METTL21C: variants seen among roughly 807,000 people sequenced by gnomAD.
The protein encoded by METTL21C is methyltransferase 21C, AARS1 lysine, also known as protein-lysine methyltransferase METTL21C.
A neutral mutation model predicts 25.9 loss-of-function variants in METTL21C; 21 were observed. That is an observed-to-expected ratio of 0.81 (90% confidence interval 0.58 to 1.17). The LOEUF (loss-of-function observed/expected upper bound fraction) is 1.17, where lower values mean the gene tolerates loss of function less well. Ranked by LOEUF, METTL21C falls within the 50% of genes most tolerant of loss-of-function variation. The probability of loss-of-function intolerance (pLI) is 0.00; values close to 1 mark genes in which losing one functional copy is unlikely to be tolerated. For synonymous variants in METTL21C, 125 were observed against 124.7 expected, an observed-to-expected ratio of 1.00 and a Z score of -0.01; for missense variants, 312 against 315.1, an observed-to-expected ratio of 0.99 and a Z score of 0.07.
intron 1 of METTL21C, 137 bp from the exon 2 acceptor site, chr13:102,691,101 C>A: frequency 1.0e-6 from 1 of 977,038 alleles, no homozygotes; most frequent in Admixed American, 2.6e-5. Flanking sequence ...TCAAGGAGAA[C>A]GGCTGCAAAT....
At chr13:102,695,540 GT>G (rs1885933667), upstream of METTL21C, among the ~76,000 whole-genome samples, 1 of 152,162 alleles carries the variant, frequency 6.6e-6, no homozygotes, top group Admixed American at 6.5e-5. Context: ...GATGAATGGT[GT>G]TTTAACCTGA....
rs1885918015 is a variant in METTL21C at position 102,694,888 on chromosome 13, T to TCA, written c.-391_-390insTG. 7.2e-6 allele frequency among the ~76,000 whole-genome samples: 1 copy of TCA among 138,038 alleles called. No homozygotes were observed. Among genetic ancestry groups the TCA allele is most frequent in the African/African-American group, 2.8e-5 (1 of 35,640 alleles). The allele number at this position is 138,038 out of a possible 152,430, so 90.6% of individuals were successfully genotyped here. Reference sequence around the variant, plus strand: ...TTCTCTCTCTTTCTCTCTCTCTCTCTCTCTCTCTCTCTCACACACACACAC... The same window carrying TCA: ...TTCTCTCTCTTTCTCTCTCTCTCTCTCACTCTCTCTCTCTCACACACACACAC... On this transcript the variant is annotated 5_prime_UTR_variant, in exon 1 of 4. Transcript: ENST00000267273.
At chr13:102,686,765 A>T (rs570960535) in intron 3 of METTL21C, among the ~76,000 whole-genome samples, 175 bp downstream of exon 3, 1 of 152,294 alleles carries the variant, frequency 6.6e-6, no homozygotes, top group Non-Finnish European at 1.5e-5. Context: ...AACCTCTCTG[A>T]GACTCAATGA....
chr13:102,700,773 G>T, the METTL21C span, among the ~76,000 whole-genome samples: 1 of 152,172 alleles, frequency 6.6e-6, no homozygotes, highest in African/African-American at 2.4e-5. Flanking sequence ...CTTTGAAGCT[G>T]AGGAGGGGCA....
Position 102,694,468 on chromosome 13 carries a change from G to A in METTL21C, c.31C>T (p.Pro11Ser), listed in dbSNP as rs887114236. 6.2e-7 allele frequency: 1 copy of A among 1,605,246 alleles called. No homozygotes were observed. Among genetic ancestry groups the A allele is most frequent in the African/African-American group, 1.3e-5 (1 of 74,702 alleles). MDVCLSSAQQPGRRGEGLSSP... is the reference protein window; with the variant it reads MDVCLSSAQQSGRRGEGLSSP... Reference sequence around the variant, plus strand: ...CTGAGTCCTTCCCCCCGGCGCCCAGGCTGCTGCGCGGAGCTCAGACACACG... The same window carrying A: ...CTGAGTCCTTCCCCCCGGCGCCCAGACTGCTGCGCGGAGCTCAGACACACG... The change falls in exon 1 of 4, where the codon CCT (proline) becomes TCT (serine). Residue 11 changes from proline to serine, a missense_variant. Transcript: ENST00000267273.
In METTL21C at chr13:102,687,015, A is replaced by G. The variant is rs660207; in HGVS notation, c.325T>C (p.Leu109=). 761,131 of 1,612,504 alleles carry G rather than the reference A, an allele frequency of 0.47. 181,950 individuals carry two copies. The highest frequency in any genetic ancestry group is 0.61 in the African/African-American group (46,006 of 74,914). The stretch of plus-strand genomic sequence containing the variant: ...AGTATTTTTGCATCTTGGAAATTCA[A>G]TTCCTCGGCATGTTCCTCCAAGTAT... ...CQYLEEHAEE[L]NFQDAKILEI... Residue 109 remains leucine (L), a synonymous_variant, in exon 3 of 4, where the codon TTG becomes CTG. Transcript: ENST00000267273.
the METTL21C span, among the ~76,000 whole-genome samples, chr13:102,702,672 C>T: frequency 0.073 from 11,089 of 151,894 alleles, 1,109 homozygotes; most frequent in African/African-American, 0.23. Flanking sequence ...ACTGCAGCAA[C>T]CTCCGCTTCC....
In METTL21C at chr13:102,687,062, A is replaced by G; in HGVS notation, c.283-5T>C. 6.2e-7 allele frequency: 1 copy of G among 1,606,760 alleles called. No individual in the cohort carries two copies. Among genetic ancestry groups the G allele is most frequent in the Non-Finnish European group, 8.5e-7 (1 of 1,173,436 alleles). On this transcript the variant is annotated splice_polypyrimidine_tract_variant and splice_region_variant and intron_variant, in intron 2 of 3. Transcript: ENST00000267273. ...GTATTGACACAAAGCCATAGCCTAA[A>G]AAATAATTATAACTTTTCATGTGGG...
intron 2 of METTL21C, among the ~76,000 whole-genome samples, chr13:102,689,888 C>T (rs918353770): frequency 2.5e-4 from 38 of 152,208 alleles, no homozygotes; most frequent in African/African-American, 8.4e-4. Flanking sequence ...CTGACAACCA[C>T]GTCAGGAGCA....
At chr13:102,703,974 G>T in the METTL21C span, among the ~76,000 whole-genome samples, 1 of 152,110 alleles carries the variant, frequency 6.6e-6, no homozygotes, top group African/African-American at 2.4e-5. Flanking sequence ...AAGACTTTAT[G>T]GCTATCACAT....
the METTL21C span, among the ~76,000 whole-genome samples, chr13:102,701,268 A>G: frequency 6.6e-6 from 1 of 152,074 alleles, no homozygotes; most frequent in Non-Finnish European, 1.5e-5. Flanking sequence ...CCCCCTTTCC[A>G]AATAAGTGGC....
At chr13:102,702,256 C>A in the METTL21C span, among the ~76,000 whole-genome samples, 21,686 of 151,290 alleles carry the variant, frequency 0.14, 1,564 homozygotes, top group South Asian at 0.22. Context: ...CTTCATAAAC[C>A]TGACAACATG....
chr13:102,689,607 G>C (rs1320106093), intron 2 of METTL21C, among the ~76,000 whole-genome samples: 20 of 152,172 alleles, frequency 1.3e-4, no homozygotes, highest in Admixed American at 1.3e-3. Context: ...ATTTTAACAA[G>C]ACTGCAGATT....
At chr13:102,691,056 G>C in intron 1 of METTL21C, 92 bp from the exon 2 acceptor site, 1 of 1,397,414 alleles carries the variant, frequency 7.2e-7, no homozygotes, top group South Asian at 1.3e-5. Context: ...GCATTAGATT[G>C]AATGACCTTT....
intron 2 of METTL21C, among the ~76,000 whole-genome samples, 188 bp downstream of exon 2, chr13:102,690,608 CTTGAAGCAAAACCAGTG>C (rs1885804474): frequency 6.6e-6 from 1 of 151,964 alleles, no homozygotes; most frequent in African/African-American, 2.4e-5. Context: ...AGAAACAGAG[CTTGAAGCAAAACCAGTG>C]TTTCTGAAAG....
chr13:102,688,188 G>T (rs1372582634), intron 2 of METTL21C, among the ~76,000 whole-genome samples: 1 of 152,210 alleles, frequency 6.6e-6, no homozygotes, highest in Non-Finnish European at 1.5e-5. Flanking sequence ...CCAGTTTGGA[G>T]TGGGGGCAGC....
chr13:102,700,857 C>T, the METTL21C span, among the ~76,000 whole-genome samples: 1 of 151,978 alleles, frequency 6.6e-6, no homozygotes, highest in Non-Finnish European at 1.5e-5. Flanking sequence ...CTCTGACACC[C>T]TACGACTCCC....
At chr13:102,687,105 C>G in intron 2 of METTL21C, 48 bp from the exon 3 acceptor site, 1 of 1,382,656 alleles carries the variant, frequency 7.2e-7, no homozygotes, top group Non-Finnish European at 1.0e-6. Context: ...ACATTGGAAA[C>G]CAGTAGCAAC....
At chr13:102,692,123 C>CG (rs1236687041) in intron 1 of METTL21C, among the ~76,000 whole-genome samples, 1 of 151,994 alleles carries the variant, frequency 6.6e-6, no homozygotes, top group South Asian at 2.1e-4. Flanking sequence ...AATGTTTAAC[C>CG]GGGGGTCAAA....
Sources: gnomAD v4.1 joint callset for allele counts (sites outside exome capture counted in the v4.1 genomes callset) on GRCh38, gnomAD v4.1.1 for gene constraint, MANE v1.5 for transcripts, NCBI Gene and HGNC (gene_info 2026-07-23, HGNC 2026-07-21) for gene names.